Variants in NRG3 observed in about 807,000 individuals in gnomAD.
NRG3 encodes the protein neuregulin 3, also known as pro-neuregulin-3, membrane-bound isoform.
Under a neutral mutation model 66.9 loss-of-function variants are expected in NRG3, and 31 were observed. The observed-to-expected ratio is 0.46, with a 90% confidence interval of 0.35 to 0.63. The LOEUF is 0.63. Ranked by LOEUF, NRG3 falls within the 20% of genes least tolerant of loss-of-function variation. The pLI is 0.00. For missense variants in NRG3, 910 were observed against 878.9 expected, an observed-to-expected ratio of 1.04 and a Z score of -0.45; for synonymous variants, 393 against 359.4, an observed-to-expected ratio of 1.09 and a Z score of -1.06.
At chr10:82,408,090 A>AAGAAAGAAAGAAG (rs2087722904) in intron 2 of NRG3, among the ~76,000 whole-genome samples, 1 of 65,132 alleles carries the variant, frequency 1.5e-5, no homozygotes, top group African/African-American at 5.6e-5. Flanking sequence ...AGAGACAGAA[A>AAGAAAGAAAGAAG]GAAAGAAAGA....
intron 2 of NRG3, among the ~76,000 whole-genome samples, chr10:82,562,239 A>G (rs2045099097): frequency 6.6e-6 from 1 of 152,182 alleles, no homozygotes; most frequent in Admixed American, 6.5e-5. Context: ...CATAGTTTCT[A>G]TCTCTATTAT....
intron 3 of NRG3, among the ~76,000 whole-genome samples, chr10:82,770,005 A>G (rs993264469): frequency 1.3e-5 from 2 of 152,124 alleles, no homozygotes; most frequent in East Asian, 3.8e-4. Flanking sequence ...ATGTTATTAA[A>G]GTAGAAATAT....
intron 1 of NRG3, among the ~76,000 whole-genome samples, chr10:82,033,446 C>G (rs1237357764): frequency 1.3e-5 from 2 of 152,106 alleles, no homozygotes; most frequent in Non-Finnish European, 2.9e-5. Context: ...TTTCCCTCTA[C>G]CTCTCAAAAT....
intron 2 of NRG3, among the ~76,000 whole-genome samples, chr10:82,453,682 T>C (rs866870429): frequency 6.3e-5 from 8 of 126,368 alleles, no homozygotes; most frequent in Non-Finnish European, 1.0e-4. Flanking sequence ...TGTTTTGAGC[T>C]AAAAAAAAAA....
At position 82,050,132 on chromosome 10, in the gene NRG3, C is replaced by T. The variant is rs566946034; in HGVS notation, c.823+173969C>T. Among the ~76,000 whole-genome samples the T allele has an allele frequency of 4.6e-5, 7 of 151,132 alleles. No individual in the cohort carries two copies. The South Asian group carries it at 6.3e-4, about 13-fold the overall frequency. Reference sequence around the variant, plus strand: ...CTGAAGGAGAGCGATGCTTTAACTGCACTTTGTGTTCAAGGAGTGGAATAT... The same window carrying T: ...CTGAAGGAGAGCGATGCTTTAACTGTACTTTGTGTTCAAGGAGTGGAATAT... On this transcript the variant is annotated intron_variant, in intron 1 of 8. Transcript: ENST00000372141.
chr10:82,424,654 T>G (rs1452538242), intron 2 of NRG3, among the ~76,000 whole-genome samples: 2 of 152,060 alleles, frequency 1.3e-5, no homozygotes, highest in Non-Finnish European at 2.9e-5. Flanking sequence ...AAAGTTAAAT[T>G]TACACATTTC....
intron 3 of NRG3, among the ~76,000 whole-genome samples, chr10:82,804,518 A>G (rs1236384770): frequency 3.3e-5 from 5 of 152,186 alleles, no homozygotes; most frequent in African/African-American, 4.8e-5. Context: ...AAAGGGGGCC[A>G]CTATAGTAAG....
chr10:82,784,680 G>C (rs2060268688), intron 3 of NRG3, among the ~76,000 whole-genome samples: 1 of 151,812 alleles, frequency 6.6e-6, no homozygotes, highest in Non-Finnish European at 1.5e-5. Flanking sequence ...AGTTAGAATG[G>C]CAATCATTAA....
chr10:82,603,608 G>C (rs2133420530), intron 2 of NRG3, among the ~76,000 whole-genome samples: 1 of 152,128 alleles, frequency 6.6e-6, no homozygotes, highest in African/African-American at 2.4e-5. Context: ...GAAAGCCAAT[G>C]TTTGGTGTGC....
Position 82,869,953 on chromosome 10 carries a change from G to A in NRG3, c.1054+4516G>A, listed in dbSNP as rs1423010479. 1.1e-4 allele frequency among the ~76,000 whole-genome samples: 17 copies of A among 150,274 alleles called. No homozygotes were observed. The Admixed American group carries it at 1.1e-3, about 10-fold the overall frequency. Reference sequence around the variant, plus strand: ...GTCATAGTTTTAACTTTTCTAGACTGTCATATATTTGAAATAATACCTTTT... The same window carrying A: ...GTCATAGTTTTAACTTTTCTAGACTATCATATATTTGAAATAATACCTTTT... On this transcript the variant is annotated intron_variant, in intron 4 of 8. Transcript: ENST00000372141.
At chr10:82,616,149 A>T (rs1257614814) in intron 2 of NRG3, among the ~76,000 whole-genome samples, 1 of 152,280 alleles carries the variant, frequency 6.6e-6, no homozygotes, top group South Asian at 2.1e-4. Flanking sequence ...TTTAATTGCC[A>T]TTGTAACTGG....
intron 1 of NRG3, among the ~76,000 whole-genome samples, chr10:82,004,822 G>A (rs2061322578): frequency 6.6e-6 from 1 of 152,224 alleles, no homozygotes; most frequent in Non-Finnish European, 1.5e-5. Flanking sequence ...GGAGATGATG[G>A]ACGTCTGTGA....
At chr10:82,511,693 A>C (rs1425452320) in intron 2 of NRG3, among the ~76,000 whole-genome samples, 1 of 152,156 alleles carries the variant, frequency 6.6e-6, no homozygotes, top group African/African-American at 2.4e-5. Context: ...TAAACACCAG[A>C]GTCACTGGAA....
intron 1 of NRG3, among the ~76,000 whole-genome samples, chr10:81,884,620 T>C (rs1174179926): frequency 6.6e-6 from 1 of 152,152 alleles, no homozygotes; most frequent in Non-Finnish European, 1.5e-5. Flanking sequence ...TTACACTGCT[T>C]GTAAGTTCTC....
intron 1 of NRG3, among the ~76,000 whole-genome samples, chr10:81,878,534 T>C (rs1841890005): frequency 6.6e-6 from 1 of 152,184 alleles, no homozygotes. Flanking sequence ...AAGATTTCAT[T>C]TGAGAGATTA....
intron 1 of NRG3, among the ~76,000 whole-genome samples, chr10:82,188,182 A>C (rs2133312227): frequency 6.6e-6 from 1 of 152,270 alleles, no homozygotes; most frequent in Admixed American, 6.5e-5. Context: ...ACTCATTTTT[A>C]ACAAAGGTAC....
intron 2 of NRG3, among the ~76,000 whole-genome samples, chr10:82,532,597 G>GTA (rs1193037037): frequency 6.8e-6 from 1 of 146,968 alleles, no homozygotes; most frequent in Non-Finnish European, 1.5e-5. Flanking sequence ...TACTATATAT[G>GTA]TATATATGTA....
intron 2 of NRG3, among the ~76,000 whole-genome samples, chr10:82,584,682 T>C (rs1350432591): frequency 6.6e-6 from 1 of 152,204 alleles, no homozygotes; most frequent in Non-Finnish European, 1.5e-5. Context: ...TTAAGTGATC[T>C]CCTATCTTAA....
intron 2 of NRG3, among the ~76,000 whole-genome samples, chr10:82,727,107 T>C (rs2134591989): frequency 6.6e-6 from 1 of 152,266 alleles, no homozygotes; most frequent in Non-Finnish European, 1.5e-5. Flanking sequence ...CATTCAGTTT[T>C]ATAAGGGAAG....
Sources: gnomAD v4.1 joint callset for allele counts (sites outside exome capture counted in the v4.1 genomes callset) on GRCh38, gnomAD v4.1.1 for gene constraint, MANE v1.5 for transcripts, NCBI Gene and HGNC (gene_info 2026-07-23, HGNC 2026-07-21) for gene names.